The following GRM8 variants were observed in gnomAD, a reference collection of about 807,000 sequenced individuals.
The protein encoded by GRM8 is glutamate metabotropic receptor 8.
In GRM8, 47 loss-of-function variants were observed where a neutral mutation model predicts 87.2. The observed-to-expected ratio is 0.54, with a 90% CI of 0.43 to 0.69. The LOEUF (loss-of-function observed/expected upper bound fraction) is 0.69. Ranked by LOEUF, GRM8 falls within the 30% of genes least tolerant of loss-of-function variation. The probability of loss-of-function intolerance (pLI) is 0.00; values close to 1 mark genes in which losing one functional copy is unlikely to be tolerated. For missense variants in GRM8, 1,019 were observed against 1,139.2 expected, an observed-to-expected ratio of 0.89 and a Z score of 1.52; for synonymous variants, 396 against 404.5, an observed-to-expected ratio of 0.98 and a Z score of 0.25.
chr7:127,211,677 G>C (rs1160108190), intron 2 of GRM8, among the ~76,000 whole-genome samples: 1 of 152,154 alleles, frequency 6.6e-6, no homozygotes, highest in Non-Finnish European at 1.5e-5. Context: ...TTTTAAATGG[G>C]TTGAGGGAAC....
At position 126,769,900 on chromosome 7, in the gene GRM8, T is replaced by G. The variant is rs1233174556; in HGVS notation, c.1322A>C (p.Glu441Ala). 1 of 1,612,420 alleles carries G rather than the reference T, an allele frequency of 6.2e-7. No individual in the cohort carries two copies. Among genetic ancestry groups the G allele is most frequent in the East Asian group, 2.2e-5 (1 of 44,852 alleles). ...CPRMSTIDGK[E>A]LLGYIRAVNF... ...TACAGCCCGAATATAACCAAGTAGCTCTTTCCCATCAATGGTACTCATTCG... is the reference window on the plus strand; with the variant it reads ...TACAGCCCGAATATAACCAAGTAGCGCTTTCCCATCAATGGTACTCATTCG... The change falls in exon 7 of 11, where the codon GAG becomes GCG. Residue 441 changes from glutamate (E) to alanine (A), a missense_variant. Transcript: ENST00000339582.
intron 9 of GRM8, among the ~76,000 whole-genome samples, chr7:126,471,492 G>T: frequency 6.6e-6 from 1 of 152,014 alleles, no homozygotes; most frequent in Non-Finnish European, 1.5e-5. Context: ...TCAAAGATCA[G>T]ATAGTTGTAG....
At chr7:127,049,798 A>G (rs1031598121) in intron 3 of GRM8, among the ~76,000 whole-genome samples, 1 of 152,122 alleles carries the variant, frequency 6.6e-6, no homozygotes, top group African/African-American at 2.4e-5. Flanking sequence ...CACTTGAAGG[A>G]CGGGTACAGG....
intron 7 of GRM8, among the ~76,000 whole-genome samples, chr7:126,693,866 T>TAA: frequency 6.6e-6 from 1 of 152,206 alleles, no homozygotes; most frequent in African/African-American, 2.4e-5. Context: ...TGTCTCAAGT[T>TAA]ATGTTTCATT....
chr7:127,219,967 G>A (rs150956865), intron 2 of GRM8, among the ~76,000 whole-genome samples: 1 of 152,266 alleles, frequency 6.6e-6, no homozygotes, highest in African/African-American at 2.4e-5. Context: ...TCACTCCTTG[G>A]TAAGACTTTC....
intron 6 of GRM8, among the ~76,000 whole-genome samples, chr7:126,845,115 G>A (rs973630197): frequency 2.0e-5 from 3 of 152,200 alleles, no homozygotes; most frequent in Non-Finnish European, 2.9e-5. Context: ...ACAGAGGCAT[G>A]GAGGTTGGTT....
intron 9 of GRM8, among the ~76,000 whole-genome samples, chr7:126,482,860 G>C (rs1220167944): frequency 6.6e-6 from 1 of 151,736 alleles, no homozygotes; most frequent in East Asian, 1.9e-4. Flanking sequence ...GGAAAAACAT[G>C]ACCATGGGCA....
intron 3 of GRM8, among the ~76,000 whole-genome samples, chr7:127,072,628 A>T (rs1821815162): frequency 7.0e-6 from 1 of 143,660 alleles, no homozygotes; most frequent in Admixed American, 7.0e-5. Flanking sequence ...GAACCCTCAT[A>T]TTATACTTTT....
chr7:126,715,651 T>C (rs891796307), intron 7 of GRM8, among the ~76,000 whole-genome samples: 2 of 152,222 alleles, frequency 1.3e-5, no homozygotes, highest in African/African-American at 4.8e-5. Flanking sequence ...AATACATTTA[T>C]TGAAAAAAAT....
At chr7:127,182,291 T>C (rs1363925244) in intron 2 of GRM8, among the ~76,000 whole-genome samples, 2 of 151,960 alleles carry the variant, frequency 1.3e-5, no homozygotes, top group Non-Finnish European at 1.5e-5. Flanking sequence ...AAAACCACAA[T>C]GTGATATCAT....
intron 7 of GRM8, among the ~76,000 whole-genome samples, chr7:126,724,621 T>G (rs931369450): frequency 6.6e-6 from 1 of 152,198 alleles, no homozygotes; most frequent in Admixed American, 6.6e-5. Context: ...TCAGGAATGC[T>G]TCATAGTGAT....
intron 3 of GRM8, among the ~76,000 whole-genome samples, chr7:126,968,955 T>C (rs894880328): frequency 6.6e-6 from 1 of 152,194 alleles, no homozygotes; most frequent in African/African-American, 2.4e-5. Flanking sequence ...TAAGTGAATA[T>C]TGCAATAAAG....
chr7:126,672,889 G>GTGATCTGCC (rs1488887356), intron 7 of GRM8, among the ~76,000 whole-genome samples: 1 of 152,160 alleles, frequency 6.6e-6, no homozygotes, highest in Admixed American at 6.5e-5. Context: ...GCCTCTGAGG[G>GTGATCTGCC]TGATCTGCCT....
chr7:126,626,594 C>G (rs1253898840), intron 7 of GRM8, among the ~76,000 whole-genome samples: 1 of 152,246 alleles, frequency 6.6e-6, no homozygotes, highest in African/African-American at 2.4e-5. Context: ...TTTGTCCATC[C>G]TTGACACAAT....
intron 9 of GRM8, among the ~76,000 whole-genome samples, chr7:126,524,814 G>C (rs1249634751): frequency 6.6e-6 from 1 of 151,926 alleles, no homozygotes; most frequent in African/African-American, 2.4e-5. Flanking sequence ...TTTAGTTTCT[G>C]GGATCATATG....
chr7:126,620,236 T>G (rs62477898), intron 7 of GRM8, among the ~76,000 whole-genome samples: 46,832 of 152,064 alleles, frequency 0.31, 8,077 homozygotes, highest in East Asian at 0.43. Flanking sequence ...TACAGTGAAC[T>G]AGAATTGCGC....
chr7:126,855,676 G>A (rs1324958591), intron 6 of GRM8, among the ~76,000 whole-genome samples: 2 of 151,874 alleles, frequency 1.3e-5, no homozygotes, highest in African/African-American at 2.4e-5. Flanking sequence ...GGGTTTCACC[G>A]TGTTGGCAAG....
At chr7:127,179,906 C>G (rs1408891490) in intron 2 of GRM8, among the ~76,000 whole-genome samples, 3 of 151,858 alleles carry the variant, frequency 2.0e-5, no homozygotes, top group Non-Finnish European at 2.9e-5. Context: ...ATTGAAAGAG[C>G]ACAAACTGAT....
intron 3 of GRM8, among the ~76,000 whole-genome samples, chr7:127,096,580 T>C (rs1294646010): frequency 6.6e-6 from 1 of 151,650 alleles, no homozygotes; most frequent in Admixed American, 6.6e-5. Flanking sequence ...AAAATACAAA[T>C]TGACCATTGT....
Sources: gnomAD v4.1 joint callset for allele counts (sites outside exome capture counted in the v4.1 genomes callset) on GRCh38, gnomAD v4.1.1 for gene constraint, MANE v1.5 for transcripts, NCBI Gene and HGNC (gene_info 2026-07-23, HGNC 2026-07-21) for gene names.